The following FCRL2 variants were observed in gnomAD, a reference collection of about 807,000 sequenced individuals.
FCRL2 encodes the protein Fc receptor-like protein 2.
FCRL2 carries 48 observed loss-of-function variants against 59.8 expected under a neutral mutation model. The observed-to-expected ratio is 0.80, with a 90% CI of 0.64 to 1.02. The LOEUF (loss-of-function observed/expected upper bound fraction) is 1.02. Ranked by LOEUF, FCRL2 falls within the 50% of genes least tolerant of loss-of-function variation. The probability of loss-of-function intolerance (pLI) is 0.00; values close to 1 mark genes in which losing one functional copy is unlikely to be tolerated. For synonymous variants in FCRL2, 251 were observed against 229.5 expected, an observed-to-expected ratio of 1.09 and a Z score of -0.85; for missense variants, 658 against 597.3, an observed-to-expected ratio of 1.10 and a Z score of -1.06.
rs562267056 is a variant in FCRL2, at chr1:157,749,040, C to T, written c.1308-80G>A. The T allele has an allele frequency of 7.3e-6, 9 of 1,234,396 alleles. No homozygotes were observed. The Admixed American group carries it at 1.1e-4, about 15-fold the overall frequency. 76.5% of individuals were successfully genotyped at this position (1,234,396 alleles called of 1,614,324 possible). A position where few individuals can be genotyped will look rare whatever the true frequency, so the allele number is the denominator to read the frequency against. Reference sequence around the variant, plus strand: ...GAGGGGAGACTGGCTGAGGAGAGAGCAGGTGGAAGCCCTGCAGCCATGGCT... The same window carrying T: ...GAGGGGAGACTGGCTGAGGAGAGAGTAGGTGGAAGCCCTGCAGCCATGGCT... On this transcript the variant is annotated intron_variant, in intron 8 of 11. Transcript: ENST00000361516.
At chr1:157,751,994 C>T (rs998019973) in intron 7 of FCRL2, among the ~76,000 whole-genome samples, 5 of 152,236 alleles carry the variant, frequency 3.3e-5, no homozygotes, top group Non-Finnish European at 7.3e-5. Context: ...AGAGAAACAT[C>T]TGGCCAGAAC....
At chr1:157,776,342 T>C (rs1378214869) in intron 1 of FCRL2, among the ~76,000 whole-genome samples, 5 of 152,188 alleles carry the variant, frequency 3.3e-5, no homozygotes, top group Admixed American at 2.0e-4. Flanking sequence ...CGATCTTGGC[T>C]CACCACAACC....
At chr1:157,768,314 G>T in intron 5 of FCRL2, 100 bp downstream of exon 5, 1 of 1,274,318 alleles carries the variant, frequency 7.8e-7, no homozygotes, top group Non-Finnish European at 1.1e-6. Context: ...GTTCTCCACA[G>T]CACTAATCCC....
intron 1 of FCRL2, 64 bp downstream of exon 1, chr1:157,776,979 C>A: frequency 6.6e-7 from 1 of 1,512,690 alleles, no homozygotes; most frequent in Non-Finnish European, 9.2e-7. Flanking sequence ...AACCTCCAAC[C>A]TTTTGGGAGC....
intron 2 of FCRL2, 116 bp downstream of exon 2, chr1:157,775,659 G>A: frequency 1.8e-6 from 2 of 1,099,444 alleles, no homozygotes; most frequent in African/African-American, 1.6e-5. Context: ...CAGCCTAGAG[G>A]GCAGTAATAT....
intron 8 of FCRL2, 89 bp from the exon 9 acceptor site, chr1:157,749,049 G>T: frequency 9.0e-7 from 1 of 1,105,114 alleles, no homozygotes; most frequent in Non-Finnish European, 1.4e-6. Context: ...GCAGGTGGAA[G>T]CCCTGCAGCC....
intron 7 of FCRL2, among the ~76,000 whole-genome samples, chr1:157,759,410 C>A (rs1248144167): frequency 1.3e-5 from 2 of 152,046 alleles, no homozygotes; most frequent in Non-Finnish European, 2.9e-5. Flanking sequence ...GATGAAGACT[C>A]CAAAAACAAT....
chr1:157,758,596 T>A (rs540288348), intron 7 of FCRL2, among the ~76,000 whole-genome samples: 65 of 142,682 alleles, frequency 4.6e-4, no homozygotes, highest in Non-Finnish European at 1.6e-4. Flanking sequence ...AAACTACCAA[T>A]GACATTGTTT....
At chr1:157,758,547 C>T (rs560023822) in intron 7 of FCRL2, among the ~76,000 whole-genome samples, 60 of 152,028 alleles carry the variant, frequency 3.9e-4, no homozygotes, top group Admixed American at 3.3e-3. Context: ...AGTGGCCACA[C>T]TCTTCAAAGC....
rs774320156 is a variant in FCRL2, at chr1:157,748,917, G to T, written c.1351C>A (p.Pro451Thr). 1.2e-6 allele frequency: 2 copies of T among 1,613,942 alleles called. No individual in the cohort carries two copies. The highest frequency in any genetic ancestry group is 2.2e-5 in the South Asian group (2 of 91,070). Residue 451 changes from proline to threonine, a missense_variant, in exon 9 of 12, where the codon CCA (proline) becomes ACA (threonine). By Grantham distance (38) the Pro-to-Thr change is conservative (BLOSUM62 -1). Coordinates refer to ENST00000361516, the MANE Select transcript of FCRL2 (RefSeq NM_030764.4). ...PNPQEFTYSS[P>T]TPDMEELQPV... ...TGCAGCTCCTCCATGTCTGGGGTTG[G>T]GCTTGAATAGGTGAACTCTTGAGGA...
chr1:157,766,806 A>G (rs1393469380), intron 7 of FCRL2, 49 bp downstream of exon 7: 1 of 1,610,550 alleles, frequency 6.2e-7, no homozygotes, highest in Non-Finnish European at 8.5e-7. Context: ...CTATATCAGT[A>G]GTGGAAAGGT....
At chr1:157,766,654 C>A in intron 7 of FCRL2, 2 of 716,348 alleles carry the variant, frequency 2.8e-6, no homozygotes, top group Non-Finnish European at 4.4e-6. Flanking sequence ...TGACTATGCA[C>A]AGGGAACAGT....
At chr1:157,769,666 A>T in intron 4 of FCRL2, 200 bp downstream of exon 4, 2 of 531,456 alleles carry the variant, frequency 3.8e-6, no homozygotes, top group Non-Finnish European at 6.7e-6. Context: ...TGACCTCATG[A>T]TCTGCCCGTC....
chr1:157,750,645 T>C (rs1267175265), intron 7 of FCRL2, among the ~76,000 whole-genome samples: 1 of 152,212 alleles, frequency 6.6e-6, no homozygotes, highest in African/African-American at 2.4e-5. Context: ...GATTTAGTTT[T>C]CCAAGGAGAA....
At chr1:157,756,032 G>A (rs1019973898) in intron 7 of FCRL2, among the ~76,000 whole-genome samples, 1 of 152,112 alleles carries the variant, frequency 6.6e-6, no homozygotes, top group Non-Finnish European at 1.5e-5. Context: ...AAGGTATTGG[G>A]CCACTCTGAA....
chr1:157,770,247 C>A, intron 3 of FCRL2, 97 bp from the exon 4 acceptor site: 2 of 1,474,292 alleles, frequency 1.4e-6, no homozygotes, highest in Non-Finnish European at 1.8e-6. Flanking sequence ...ACAGGACATT[C>A]AGAGCTAGAC....
In FCRL2 at chr1:157,746,914, G is replaced by A. The variant is rs1647791667; in HGVS notation, c.1460-15C>T. On this transcript the variant is annotated splice_polypyrimidine_tract_variant and intron_variant, in intron 10 of 11. Coordinates refer to ENST00000361516, the MANE Select transcript of FCRL2 (RefSeq NM_030764.4). ...CCTGATGTTTGCTGTTAAGGAAAAA[G>A]TAATAGTTCTGAGCTCTTGCATTCT... The A allele has an allele frequency of 5.0e-6, 8 of 1,612,132 alleles. No individual in the cohort carries two copies. The highest frequency in any genetic ancestry group is 6.8e-6 in the Non-Finnish European group (8 of 1,179,956).
At position 157,756,546 on chromosome 1, in the gene FCRL2, G is replaced by A. The variant is rs140061477; in HGVS notation, c.1280-6869C>T. ...AATTAAAAAATTAGCAAGGCATGGCGAGCATGCCTGTGGTCCCATCTACTT... is the reference window on the plus strand; with the variant it reads ...AATTAAAAAATTAGCAAGGCATGGCAAGCATGCCTGTGGTCCCATCTACTT... On this transcript the variant is annotated intron_variant, in intron 7 of 11. Coordinates refer to ENST00000361516, the MANE Select transcript of FCRL2 (RefSeq NM_030764.4). 3.1e-3 allele frequency among the ~76,000 whole-genome samples: 472 copies of A among 152,200 alleles called. 1 individual carries two copies. The highest frequency in any genetic ancestry group is 0.014 in the Middle Eastern group (4 of 294).
intron 2 of FCRL2, among the ~76,000 whole-genome samples, chr1:157,773,526 C>T (rs2101766624): frequency 6.6e-6 from 1 of 152,250 alleles, no homozygotes; most frequent in South Asian, 2.1e-4. Flanking sequence ...AGAGTGATGT[C>T]CTACCTATAG....
Sources: gnomAD v4.1 joint callset for allele counts (sites outside exome capture counted in the v4.1 genomes callset) on GRCh38, gnomAD v4.1.1 for gene constraint, MANE v1.5 for transcripts, NCBI Gene and HGNC (gene_info 2026-07-23, HGNC 2026-07-21) for gene names.